Variants in LRRC4C observed in about 807,000 individuals in gnomAD.
LRRC4C encodes the protein leucine rich repeat containing 4C.
Under a neutral mutation model 33.6 loss-of-function variants are expected in LRRC4C, and 5 were observed. The ratio of observed to expected loss-of-function variants is 0.15; its 90% CI spans 0.08 to 0.31. The LOEUF (loss-of-function observed/expected upper bound fraction) is 0.31. Ranked by LOEUF, LRRC4C falls within the 10% of genes least tolerant of loss-of-function variation. The pLI, the probability that LRRC4C is intolerant of heterozygous loss-of-function variation, is 1.00. For synonymous variants in LRRC4C, 329 were observed against 302.0 expected, an observed-to-expected ratio of 1.09 and a Z score of -0.93; for missense variants, 560 against 796.7, an observed-to-expected ratio of 0.70 and a Z score of 3.58.
intron 1 of LRRC4C, among the ~76,000 whole-genome samples, chr11:41,060,208 T>A (rs1437901690): frequency 6.6e-6 from 1 of 152,308 alleles, no homozygotes; most frequent in South Asian, 2.1e-4. Flanking sequence ...GGGGAGATTG[T>A]AATCATAGAG....
chr11:41,181,259 A>G (rs1393380443), intron 1 of LRRC4C, among the ~76,000 whole-genome samples: 1 of 152,068 alleles, frequency 6.6e-6, no homozygotes, highest in African/African-American at 2.4e-5. Context: ...ACTTTACCAA[A>G]ATGGATATTA....
At chr11:40,760,206 C>CA (rs1288415920) in intron 2 of LRRC4C, among the ~76,000 whole-genome samples, 3 of 151,754 alleles carry the variant, frequency 2.0e-5, no homozygotes, top group Non-Finnish European at 4.4e-5. Context: ...TGAAAATTGT[C>CA]AAAAAATCAT....
intron 3 of LRRC4C, among the ~76,000 whole-genome samples, chr11:40,426,377 C>CT (rs71461168): frequency 0.38 from 56,374 of 149,064 alleles, 11,091 homozygotes; most frequent in East Asian, 0.53. Flanking sequence ...GATCCAGCCA[C>CT]TTTTTTTTTT....
intron 5 of LRRC4C, among the ~76,000 whole-genome samples, chr11:40,164,498 A>G (rs1371039440): frequency 1.3e-5 from 2 of 152,128 alleles, no homozygotes; most frequent in Admixed American, 6.5e-5. Context: ...CAGCCTCCCA[A>G]TGTGCAGGGA....
intron 4 of LRRC4C, among the ~76,000 whole-genome samples, chr11:40,263,097 C>T (rs1941987065): frequency 6.6e-6 from 1 of 151,978 alleles, no homozygotes; most frequent in Admixed American, 6.6e-5. Context: ...TCCACAGTTT[C>T]CTGAATATAT....
chr11:41,419,131 T>TA (rs1565658367), intron 1 of LRRC4C, among the ~76,000 whole-genome samples: 1 of 151,858 alleles, frequency 6.6e-6, no homozygotes, highest in Non-Finnish European at 1.5e-5. Context: ...CATTACTAAA[T>TA]ACAAACTTCC....
intron 1 of LRRC4C, among the ~76,000 whole-genome samples, chr11:41,226,589 CA>C (rs1947544963): frequency 1.3e-5 from 2 of 152,146 alleles, no homozygotes; most frequent in South Asian, 4.1e-4. Context: ...CTTTTGCTTA[CA>C]GTCAACCCTT....
In LRRC4C at chr11:40,240,914, A is replaced by G. The variant is rs561619037; in HGVS notation, c.-96+605T>C. On this transcript the variant is annotated intron_variant, in intron 5 of 6. Coordinates refer to ENST00000528697, the MANE Select transcript of LRRC4C (RefSeq NM_001258419.2). Reference sequence around the variant, plus strand: ...ATTTTCAAAACCAGAGCACATTTTCAAAGTGTTTAGCCTAATTCTAGGCCA... The same window carrying G: ...ATTTTCAAAACCAGAGCACATTTTCGAAGTGTTTAGCCTAATTCTAGGCCA... Among the ~76,000 whole-genome samples the G allele has an allele frequency of 3.3e-5, 5 of 152,210 alleles. 1 individual carries two copies. The highest frequency in any genetic ancestry group is 2.6e-4 in the Admixed American group (4 of 15,268).
chr11:40,498,463 T>A (rs943198097), intron 3 of LRRC4C, among the ~76,000 whole-genome samples: 6 of 152,248 alleles, frequency 3.9e-5, no homozygotes, highest in Non-Finnish European at 8.8e-5. Flanking sequence ...CCAAATGGTT[T>A]CATTACTTTT....
chr11:41,322,835 C>G (rs984130916), intron 1 of LRRC4C, among the ~76,000 whole-genome samples: 1 of 152,132 alleles, frequency 6.6e-6, no homozygotes, highest in African/African-American at 2.4e-5. Context: ...ATTAATGGGA[C>G]AGGTAGAAAT....
chr11:41,193,404 A>G (rs1360914035), intron 1 of LRRC4C, among the ~76,000 whole-genome samples: 3 of 152,116 alleles, frequency 2.0e-5, no homozygotes, highest in Non-Finnish European at 4.4e-5. Context: ...TGTCAACACT[A>G]TGGAAGATAA....
intron 3 of LRRC4C, among the ~76,000 whole-genome samples, chr11:40,381,958 T>TTG (rs1334886502): frequency 1.5e-5 from 2 of 135,372 alleles, no homozygotes; most frequent in African/African-American, 5.5e-5. Flanking sequence ...GTCAGCGTTT[T>TTG]TTTTTTTTTT....
intron 2 of LRRC4C, among the ~76,000 whole-genome samples, chr11:40,726,944 C>T (rs1947315583): frequency 6.6e-6 from 1 of 152,080 alleles, no homozygotes; most frequent in Admixed American, 6.5e-5. Flanking sequence ...ATATCAGTAG[C>T]CTTTCTGTAC....
intron 1 of LRRC4C, among the ~76,000 whole-genome samples, chr11:41,275,256 T>C (rs960202567): frequency 2.6e-5 from 4 of 152,228 alleles, no homozygotes; most frequent in Admixed American, 2.6e-4. Context: ...GTCTCAAGTA[T>C]TTCTTCATAG....
intron 2 of LRRC4C, among the ~76,000 whole-genome samples, chr11:40,892,323 A>C (rs1005766792): frequency 3.9e-5 from 6 of 152,114 alleles, no homozygotes; most frequent in African/African-American, 1.4e-4. Flanking sequence ...GAAGCAACCT[A>C]AATGTCCATT....
rs184481360 is a variant in LRRC4C, at chr11:40,698,900, C to T, written c.-406-50622G>A. 2.2e-3 allele frequency among the ~76,000 whole-genome samples: 330 copies of T among 152,262 alleles called. 3 individuals are homozygous for T. The highest frequency in any genetic ancestry group is 7.7e-3 in the African/African-American group (321 of 41,558). Reference sequence around the variant, plus strand: ...GAGAACAGCATGGGGGAAACCGCCCCTATGACTCAATTTTCTCCCACTGGA... The same window carrying T: ...GAGAACAGCATGGGGGAAACCGCCCTTATGACTCAATTTTCTCCCACTGGA... On this transcript the variant is annotated intron_variant, in intron 2 of 6. Transcript: ENST00000528697.
chr11:41,143,924 T>C (rs1015082224), intron 1 of LRRC4C, among the ~76,000 whole-genome samples: 6 of 152,294 alleles, frequency 3.9e-5, no homozygotes, highest in Admixed American at 3.9e-4. Context: ...TTAAACATTG[T>C]CAAAAGAATT....
intron 3 of LRRC4C, among the ~76,000 whole-genome samples, chr11:40,585,597 T>C: frequency 6.9e-6 from 1 of 144,078 alleles, no homozygotes; most frequent in Non-Finnish European, 1.5e-5. Flanking sequence ...GCATTAGGTA[T>C]ATCTCCCAAT....
intron 1 of LRRC4C, among the ~76,000 whole-genome samples, chr11:41,069,486 T>C (rs981162705): frequency 1.3e-5 from 2 of 152,178 alleles, no homozygotes; most frequent in Non-Finnish European, 2.9e-5. Flanking sequence ...AATTGTCTGT[T>C]TGCAGATGGC....
Sources: allele counts gnomAD v4.1 joint callset (sites outside exome capture counted in the v4.1 genomes callset), GRCh38; gene constraint gnomAD v4.1.1; transcripts MANE v1.5; gene names NCBI Gene and HGNC (gene_info 2026-07-23, HGNC 2026-07-21).